ZC3H12B: variants seen among roughly 807,000 people sequenced by gnomAD.
ZC3H12B encodes the protein zinc finger CCCH-type containing 12B, also known as probable ribonuclease ZC3H12B.
In ZC3H12B, 7 loss-of-function variants were observed where a neutral mutation model predicts 43.9. That is an observed-to-expected ratio of 0.16 (90% CI 0.09 to 0.30). The LOEUF is 0.30. Ranked by LOEUF, ZC3H12B falls within the 10% of genes least tolerant of loss-of-function variation. The probability of loss-of-function intolerance (pLI) is 1.00; values close to 1 mark genes in which losing one functional copy is unlikely to be tolerated. For synonymous variants in ZC3H12B, 222 were observed against 241.7 expected, an observed-to-expected ratio of 0.92 and a Z score of 0.76; for missense variants, 475 against 670.2, an observed-to-expected ratio of 0.71 and a Z score of 3.22.
the ZC3H12B span, among the ~76,000 whole-genome samples, chrX:65,120,776 A>G: frequency 2.7e-5 from 3 of 111,012 alleles, no homozygotes; most frequent in Admixed American, 1.9e-4. Context: ...TATGATATTC[A>G]CTGTGGGTTT....
At chrX:65,088,340 T>G in the ZC3H12B span, among the ~76,000 whole-genome samples, 4 of 110,818 alleles carry the variant, frequency 3.6e-5, no homozygotes, top group African/African-American at 9.9e-5. Flanking sequence ...GTTGCAATAG[T>G]GGGGTTTTCT....
At chrX:65,276,285 A>G in the ZC3H12B span, among the ~76,000 whole-genome samples, 5 of 112,020 alleles carry the variant, frequency 4.5e-5, no homozygotes, top group East Asian at 1.4e-3. Context: ...GAATGAAATA[A>G]TAGGAGAAAA....
chrX:65,182,770 C>G, the ZC3H12B span, among the ~76,000 whole-genome samples: 1 of 109,153 alleles, frequency 9.2e-6, no homozygotes, highest in Non-Finnish European at 1.9e-5. Flanking sequence ...ATGACGTGGA[C>G]AGACACATTT....
chrX:65,498,016 C>T (rs1237470679), intron 2 of ZC3H12B, among the ~76,000 whole-genome samples: 2 of 111,100 alleles, frequency 1.8e-5, no homozygotes, highest in Non-Finnish European at 1.9e-5. Context: ...GTTTTTCTCC[C>T]ACCTCAGCCT....
chrX:65,453,594 C>T lies in ZC3H12B; in HGVS notation n.408-35052C>T, dbSNP rs770343745. Among the ~76,000 whole-genome samples the T allele has an allele frequency of 2.5e-3, 261 of 105,134 alleles. 1 individual carries two copies. Among genetic ancestry groups the T allele is most frequent in the Middle Eastern group, 4.8e-3 (1 of 210 alleles). The allele number at this position is 105,134 out of a possible 115,157, so 91.3% of individuals were successfully genotyped here. ...AAAATCATCTGGGTGTGGTGGTGCACGCCTGTAGTCCCAGCTACTCGGGAG... is the reference window on the plus strand; with the variant it reads ...AAAATCATCTGGGTGTGGTGGTGCATGCCTGTAGTCCCAGCTACTCGGGAG... On this transcript the variant is annotated intron_variant and non_coding_transcript_variant, in intron 3 of 5. Transcript: ENST00000617377.
At chrX:65,471,274 T>C (rs1214321179) in intron 3 of ZC3H12B, among the ~76,000 whole-genome samples, 1 of 110,584 alleles carries the variant, frequency 9.0e-6, no homozygotes, top group Non-Finnish European at 1.9e-5. Context: ...TCTTTGTCTT[T>C]TTTTTAACTG....
the ZC3H12B span, among the ~76,000 whole-genome samples, chrX:65,098,627 C>T: frequency 3.6e-5 from 4 of 110,168 alleles, no homozygotes; most frequent in Admixed American, 9.7e-5. Context: ...TGTCACCTCA[C>T]CTGGGAAGTG....
At chrX:65,291,379 A>C in the ZC3H12B span, among the ~76,000 whole-genome samples, 1 of 112,321 alleles carries the variant, frequency 8.9e-6, no homozygotes, top group African/African-American at 3.2e-5. Context: ...GAAAATACCA[A>C]GATGTGGAAA....
the ZC3H12B span, among the ~76,000 whole-genome samples, chrX:65,056,843 A>G: frequency 9.0e-6 from 1 of 111,722 alleles, no homozygotes; most frequent in Non-Finnish European, 1.9e-5. Flanking sequence ...ACTATTATGT[A>G]ATGGCCTTGT....
the ZC3H12B span, among the ~76,000 whole-genome samples, chrX:65,322,115 C>G: frequency 1.8e-5 from 2 of 111,538 alleles, no homozygotes; most frequent in Non-Finnish European, 3.8e-5. Flanking sequence ...AGGCTGCTTC[C>G]AGTCATGTTC....
intron 4 of ZC3H12B, among the ~76,000 whole-genome samples, chrX:65,501,193 A>G (rs923768654): frequency 1.8e-5 from 2 of 108,251 alleles, no homozygotes; most frequent in African/African-American, 6.8e-5. Flanking sequence ...GATTATGCCT[A>G]GGCAAAGTTG....
the ZC3H12B span, among the ~76,000 whole-genome samples, chrX:65,158,480 G>A: frequency 1.8e-5 from 2 of 111,951 alleles, no homozygotes; most frequent in African/African-American, 6.5e-5. Context: ...GGTGTGAGAT[G>A]GTATGTCATT....
At chrX:65,056,599 A>T in the ZC3H12B span, among the ~76,000 whole-genome samples, 1 of 111,665 alleles carries the variant, frequency 9.0e-6, no homozygotes, top group African/African-American at 3.3e-5. Flanking sequence ...GTAGATGTCT[A>T]TTAGGTCCTC....
At chrX:65,119,779 G>C in the ZC3H12B span, among the ~76,000 whole-genome samples, 2 of 111,654 alleles carry the variant, frequency 1.8e-5, no homozygotes, top group African/African-American at 6.5e-5. Flanking sequence ...TATGGTTTTA[G>C]GTCTAATATT....
At chrX:65,499,744 C>G in intron 3 of ZC3H12B, 139 bp from the exon 9 acceptor site, 1 of 482,481 alleles carries the variant, frequency 2.1e-6, no homozygotes, top group South Asian at 3.6e-5. Flanking sequence ...GCTAGATTAG[C>G]AGAGGATAGA....
Position 65,381,767 on chromosome X carries a change from G to T in ZC3H12B, n.295+12769G>T, listed in dbSNP as rs185933144. On this transcript the variant is annotated intron_variant and non_coding_transcript_variant, in intron 2 of 5. Coordinates refer to the ZC3H12B transcript ENST00000617377. ...ACACATGCAATAAAAAATGATAAAG[G>T]GGATATCACCACCGATCCCACAGAA... Among the ~76,000 whole-genome samples, 11 of 111,321 alleles carry T rather than the reference G, an allele frequency of 9.9e-5. No individual in the cohort carries two copies. The Admixed American group carries it at 1.0e-3, about 11-fold the overall frequency.
At chrX:65,166,281 G>A in the ZC3H12B span, among the ~76,000 whole-genome samples, 3 of 111,051 alleles carry the variant, frequency 2.7e-5, no homozygotes, top group Non-Finnish European at 3.8e-5. Context: ...ACCTATGAGT[G>A]AGAACATGCA....
chrX:65,122,008 GAGAC>G, the ZC3H12B span, among the ~76,000 whole-genome samples: 1 of 111,489 alleles, frequency 9.0e-6, no homozygotes, highest in African/African-American at 3.3e-5. Context: ...TGTGGTCTGA[GAGAC>G]AGTTTGTTAT....
At chrX:65,229,905 G>A in the ZC3H12B span, among the ~76,000 whole-genome samples, 25 of 110,843 alleles carry the variant, frequency 2.3e-4, no homozygotes, top group Non-Finnish European at 4.3e-4. Flanking sequence ...GAGAGGATGT[G>A]GAGAAATAGG....
Sources: allele counts gnomAD v4.1 joint callset (sites outside exome capture counted in the v4.1 genomes callset), GRCh38; gene constraint gnomAD v4.1.1; transcripts MANE v1.5; gene names NCBI Gene and HGNC (gene_info 2026-07-23, HGNC 2026-07-21).